The following UPF3A variants were observed in gnomAD, a reference collection of about 807,000 sequenced individuals.
The protein encoded by UPF3A is UPF3A regulator of nonsense mediated mRNA decay, also known as regulator of nonsense transcripts 3A.
A neutral mutation model predicts 53.5 loss-of-function variants in UPF3A; 42 were observed. That is an observed-to-expected ratio of 0.78 (90% CI 0.61 to 1.01). The LOEUF is 1.01. Among genes scored for constraint, UPF3A ranks in the 50% least tolerant of loss-of-function variants. The pLI, the probability that UPF3A is intolerant of heterozygous loss-of-function variation, is 0.00. For synonymous variants in UPF3A, 237 were observed against 225.3 expected (o/e 1.05, Z -0.47); for missense variants, 575 against 598.0 (o/e 0.96, Z 0.40).
At chr13:114,288,160 C>T (rs1017811410) in intron 5 of UPF3A, among the ~76,000 whole-genome samples, 7 of 152,224 alleles carry the variant, frequency 4.6e-5, no homozygotes, top group Admixed American at 2.0e-4. Flanking sequence ...TGCATGCTGC[C>T]TGGGCACTGA....
chr13:114,299,835 G>A (rs1165441457), intron 8 of UPF3A, among the ~76,000 whole-genome samples: 1 of 152,234 alleles, frequency 6.6e-6, no homozygotes, highest in Non-Finnish European at 1.5e-5. Context: ...TGGCCCACAG[G>A]GGATGATGGA....
At chr13:114,295,363 G>A (rs11843568) in intron 7 of UPF3A, among the ~76,000 whole-genome samples, 1,478 of 108,370 alleles carry the variant, frequency 0.014, 18 homozygotes, top group Middle Eastern at 0.049. Flanking sequence ...CGTCTCCAGC[G>A]GCTCTGGCGT....
At chr13:114,296,418 G>T (rs967151411) in intron 7 of UPF3A, among the ~76,000 whole-genome samples, 1 of 152,072 alleles carries the variant, frequency 6.6e-6, no homozygotes, top group Non-Finnish European at 1.5e-5. Context: ...CTTCCGGGTT[G>T]GTGAGCACAT....
chr13:114,282,663 C>T (rs1455788106), intron 2 of UPF3A, 174 bp from the exon 3 acceptor site: 3 of 985,304 alleles, frequency 3.0e-6, no homozygotes, highest in African/African-American at 3.5e-5. Flanking sequence ...GTAAAGTTAA[C>T]GTTTTGCGTT....
At chr13:114,284,674 T>G (rs1425736439) in intron 3 of UPF3A, among the ~76,000 whole-genome samples, 1 of 151,708 alleles carries the variant, frequency 6.6e-6, no homozygotes, top group Non-Finnish European at 1.5e-5. Context: ...ACTGTAGCCT[T>G]GGTGACAGAG....
chr13:114,282,747 G>A (rs999336229), intron 2 of UPF3A, 90 bp from the exon 3 acceptor site: 14 of 1,532,568 alleles, frequency 9.1e-6, no homozygotes, highest in African/African-American at 5.6e-5. Context: ...ATCTAAAGTA[G>A]TTTGTTGTGC....
chr13:114,301,912 G>A lies in UPF3A; in HGVS notation c.1189G>A (p.Gly397Arg), dbSNP rs2086640984. The A allele has an allele frequency of 6.2e-7, 1 of 1,609,850 alleles. No individual in the cohort carries two copies. Among genetic ancestry groups the A allele is most frequent in the Non-Finnish European group, 8.5e-7 (1 of 1,178,252 alleles). The change falls in exon 9 of 10, where the codon GGG becomes AGG. Residue 397 changes from glycine to arginine, a missense_variant. Gly to Arg is a moderately radical substitution (Grantham distance 125). Around this residue, in one of 2 missense-constraint regions of UPF3A, gnomAD observed 323 missense variants for 415.2 expected, o/e 0.78. Coordinates refer to ENST00000375299, the MANE Select transcript of UPF3A (RefSeq NM_023011.4). ...RWGKGPGQDRGKKGSQDSGAP... is the reference protein window; with the variant it reads ...RWGKGPGQDRRKKGSQDSGAP... Reference sequence around the variant, plus strand: ...GGGGAAAGGACCTGGCCAAGACAGAGGGAAGAAGGGGAGCCAGGACAGCGG... The same window carrying A: ...GGGGAAAGGACCTGGCCAAGACAGAAGGAAGAAGGGGAGCCAGGACAGCGG...
At chr13:114,284,875 A>T (rs1488214634) in intron 3 of UPF3A, among the ~76,000 whole-genome samples, 2 of 152,014 alleles carry the variant, frequency 1.3e-5, no homozygotes, top group Non-Finnish European at 2.9e-5. Flanking sequence ...CTGGTGTCAA[A>T]CTCCTGAGCT....
At position 114,297,041 on chromosome 13, in the gene UPF3A, G is replaced by A. The variant is rs187572504; in HGVS notation, c.847-1799G>A. 2.3e-3 allele frequency among the ~76,000 whole-genome samples: 353 copies of A among 152,282 alleles called. 2 individuals are homozygous for A. Among genetic ancestry groups the A allele is most frequent in the African/African-American group, 7.7e-3 (319 of 41,560 alleles). ...TGTTCACAGCTGACATGGGGCCCAC[G>A]CTTGATGAGAAGCGGCTTCCAATGC... On this transcript the variant is annotated intron_variant, in intron 7 of 9. Coordinates refer to ENST00000375299, the MANE Select transcript of UPF3A (RefSeq NM_023011.4).
At chr13:114,289,263 C>T (rs566858024) in intron 5 of UPF3A, among the ~76,000 whole-genome samples, 2 of 152,242 alleles carry the variant, frequency 1.3e-5, no homozygotes, top group East Asian at 3.9e-4. Flanking sequence ...CGGTGGCTCA[C>T]ACCTGTAATC....
In UPF3A at chr13:114,282,004, C is replaced by A; in HGVS notation, c.208-17C>A. ...CCACGCTCCGCCCCGGTGGGAACGG[C>A]CGCGCGCTCCCCGCAGGTGGTCATC... On this transcript the variant is annotated splice_polypyrimidine_tract_variant and intron_variant, in intron 1 of 9. Transcript: ENST00000375299. 1.9e-6 allele frequency: 3 copies of A among 1,542,506 alleles called. No homozygotes were observed. The highest frequency in any genetic ancestry group is 2.6e-6 in the Non-Finnish European group (3 of 1,146,158).
rs1228364164 is a variant in UPF3A, at chr13:114,305,335, G to T, written c.*418G>T. The stretch of plus-strand genomic sequence containing the variant: ...TGTCAGTCACTCGTGCTTCTCGGTG[G>T]CCTCTGAGCCATGGTGTCGAGTGAA... On this transcript the variant is annotated 3_prime_UTR_variant, in exon 10 of 10. Transcript: ENST00000375299. The T allele has an allele frequency of 7.4e-6, 2 of 270,498 alleles. No individual in the cohort carries two copies. The highest frequency in any genetic ancestry group is 2.2e-5 in the African/African-American group (1 of 44,510). 16.8% of individuals were successfully genotyped at this position (270,498 alleles called of 1,614,324 possible).
At chr13:114,281,915 A>AGGGGAGGGAGGGGAGGGG (rs2084064809) in intron 1 of UPF3A, 69 bp downstream of exon 1, 1 of 435,104 alleles carries the variant, frequency 2.3e-6, no homozygotes, top group Admixed American at 3.3e-5. Flanking sequence ...GAGGGGAGGG[A>AGGGGAGGGAGGGGAGGGG]GGGGAGGGAG....
intron 2 of UPF3A, 48 bp downstream of exon 2, chr13:114,282,175 G>C: frequency 8.9e-6 from 13 of 1,462,062 alleles, no homozygotes; most frequent in Non-Finnish European, 1.2e-5. Flanking sequence ...CCCAGAGCTC[G>C]GCGGCGGTGG....
At chr13:114,283,411 T>C (rs994873309) in intron 3 of UPF3A, 3 of 152,344 alleles carry the variant, frequency 2.0e-5, no homozygotes, top group African/African-American at 7.2e-5. Context: ...TATTAAAAAT[T>C]GAAATTATTT....
At chr13:114,282,365 A>G (rs576915698) in intron 2 of UPF3A, 108 of 1,095,352 alleles carry the variant, frequency 9.9e-5, no homozygotes, top group Middle Eastern at 2.6e-4. Flanking sequence ...GCTAACGCTT[A>G]GGAAAGCGGG....
intron 3 of UPF3A, 103 bp downstream of exon 3, chr13:114,283,046 A>G: frequency 1.1e-6 from 1 of 934,380 alleles, no homozygotes; most frequent in East Asian, 2.8e-5. Flanking sequence ...TTTTTGAGAC[A>G]GGGTCTTGCT....
intron 2 of UPF3A, chr13:114,282,611 G>C (rs933567529): frequency 5.1e-6 from 5 of 985,360 alleles, no homozygotes; most frequent in Non-Finnish European, 6.0e-6. Flanking sequence ...AGCCTCGGAG[G>C]ACCGGTTCTG....
chr13:114,300,453 C>T (rs1400699606), intron 8 of UPF3A, among the ~76,000 whole-genome samples: 1 of 152,176 alleles, frequency 6.6e-6, no homozygotes, highest in African/African-American at 2.4e-5. Flanking sequence ...CTCACTGCAA[C>T]CTCCGCCTCC....
Sources: allele counts gnomAD v4.1 joint callset (sites outside exome capture counted in the v4.1 genomes callset), GRCh38; gene constraint gnomAD v4.1.1; regional missense constraint gnomAD v4.1.1; transcripts MANE v1.5; gene names NCBI Gene and HGNC (gene_info 2026-07-23, HGNC 2026-07-21).